Variants in KCNN2 observed in about 807,000 individuals in gnomAD.
KCNN2 encodes the protein small conductance calcium-activated potassium channel protein 2.
In KCNN2, 24 loss-of-function variants were observed where a neutral mutation model predicts 55.5. That is an observed-to-expected ratio of 0.43 (90% CI 0.31 to 0.61). The LOEUF is 0.61. Among genes scored for constraint, KCNN2 ranks in the 20% least tolerant of loss-of-function variants. KCNN2 has a pLI of 0.08. For missense variants in KCNN2, 754 were observed against 853.6 expected (o/e 0.88, Z 1.45); for synonymous variants, 431 against 336.1 (o/e 1.28, Z -3.09).
At chr5:114,285,283 C>CA (rs70976334) in intron 2 of KCNN2, among the ~76,000 whole-genome samples, 5,163 of 56,184 alleles carry the variant, frequency 0.092, 207 homozygotes, top group African/African-American at 0.15. Flanking sequence ...ACTCCATCTC[C>CA]AAAAAAAAAA....
chr5:114,481,167 CAG>C (rs1762206700), intron 5 of KCNN2, among the ~76,000 whole-genome samples: 1 of 152,176 alleles, frequency 6.6e-6, no homozygotes, highest in African/African-American at 2.4e-5. Context: ...GATACAAAAT[CAG>C]TGTGCAAAAA....
rs187070611 is a variant in KCNN2 at position 114,136,115 on chromosome 5, T to C, written c.-271+79615T>C. On this transcript the variant is annotated intron_variant, in intron 1 of 10. Coordinates refer to the KCNN2 transcript ENST00000512097. ...ATGAAAATAGACTCAAACCAAAGCA[T>C]AGCATCATGGAACAGAATACTAGAG... is the stretch of plus-strand genomic sequence containing the variant. 1.5e-3 allele frequency among the ~76,000 whole-genome samples: 223 copies of C among 152,264 alleles called. 1 individual carries two copies. Among genetic ancestry groups the C allele is most frequent in the African/African-American group, 5.1e-3 (213 of 41,558 alleles).
Position 114,350,255 on chromosome 5 carries a change from G to A in KCNN2, c.-184-10690G>A, listed in dbSNP as rs905607272. On this transcript the variant is annotated intron_variant, in intron 2 of 10. Transcript: ENST00000512097. ...CTTTAACATTTATTATTTGTTTGTG[G>A]TGATAACATTCAAAATCTTACCTTT... is the stretch of plus-strand genomic sequence containing the variant. Among the ~76,000 whole-genome samples, 9 of 151,882 alleles carry A rather than the reference G, an allele frequency of 5.9e-5. No individual in the cohort carries two copies. In the South Asian group the frequency reaches 1.2e-3, roughly 21 times the overall value.
At position 114,254,259 on chromosome 5, in the gene KCNN2, T is replaced by TA. The variant is rs896146890; in HGVS notation, c.-185+32701dup. ...ATACACTCAGCATTTCTATTTTTTT[T>TA]AAAAAAATAAGCAAATGTATTATAA... On this transcript the variant is annotated intron_variant, in intron 2 of 10. Coordinates refer to the KCNN2 transcript ENST00000512097. Among the ~76,000 whole-genome samples, 9 of 151,868 alleles carry TA rather than the reference T, an allele frequency of 5.9e-5. No homozygotes were observed. The East Asian group carries it at 1.2e-3, about 20-fold the overall frequency.
intron 2 of KCNN2, among the ~76,000 whole-genome samples, chr5:114,251,146 G>T (rs1483126913): frequency 6.6e-6 from 1 of 152,196 alleles, no homozygotes; most frequent in African/African-American, 2.4e-5. Context: ...TTGTAAAGGG[G>T]TGCAAGTGTT....
intron 1 of KCNN2, among the ~76,000 whole-genome samples, chr5:114,144,613 A>G (rs760979779): frequency 2.0e-5 from 3 of 152,136 alleles, no homozygotes; most frequent in Non-Finnish European, 4.4e-5. Context: ...TTAAAATGCT[A>G]TGATACTGAT....
At chr5:114,234,947 C>T (rs1283343164) in intron 2 of KCNN2, among the ~76,000 whole-genome samples, 3 of 152,118 alleles carry the variant, frequency 2.0e-5, no homozygotes, top group Admixed American at 1.3e-4. Context: ...TCCTTTAGTA[C>T]TCAGTAAATT....
At chr5:114,106,610 C>T (rs893395489) in intron 1 of KCNN2, among the ~76,000 whole-genome samples, 2 of 137,338 alleles carry the variant, frequency 1.5e-5, no homozygotes, top group Non-Finnish European at 3.1e-5. Flanking sequence ...TTGGATATTC[C>T]TGGTGACTAA....
chr5:114,148,874 C>A (rs947500699), intron 1 of KCNN2, among the ~76,000 whole-genome samples: 1 of 152,000 alleles, frequency 6.6e-6, no homozygotes, highest in African/African-American at 2.4e-5. Context: ...GGGAGCGGCT[C>A]ACCATCCGTG....
At position 114,084,534 on chromosome 5, in the gene KCNN2, T is replaced by G. The variant is rs904328138; in HGVS notation, c.-271+28034T>G. ...ATTGGGTTGCTTGTTTTCTTACCAT[T>G]GAGTTTTAAGAGTTCTTTGTATATT... is the stretch of plus-strand genomic sequence containing the variant. On this transcript the variant is annotated intron_variant, in intron 1 of 10. Coordinates refer to the KCNN2 transcript ENST00000512097. 2.6e-5 allele frequency among the ~76,000 whole-genome samples: 4 copies of G among 152,198 alleles called. No individual in the cohort carries two copies. The East Asian group carries it at 7.7e-4, about 29-fold the overall frequency.
At position 114,160,722 on chromosome 5, in the gene KCNN2, T is replaced by C. The variant is rs13187950; in HGVS notation, c.-270-60758T>C. ...GTGCATATATATTTAGGATAGTTAGTTCTTCTTGCTGAATTGATCCCTTTA... is the reference window on the plus strand; with the variant it reads ...GTGCATATATATTTAGGATAGTTAGCTCTTCTTGCTGAATTGATCCCTTTA... On this transcript the variant is annotated intron_variant, in intron 1 of 10. Transcript: ENST00000512097. Among the ~76,000 whole-genome samples, 255 of 152,106 alleles carry C rather than the reference T, an allele frequency of 1.7e-3. 1 individual carries two copies. Among genetic ancestry groups the C allele is most frequent in the Non-Finnish European group, 2.5e-3 (168 of 67,868 alleles).
At chr5:114,332,668 A>G (rs976492767) in intron 2 of KCNN2, among the ~76,000 whole-genome samples, 1 of 152,224 alleles carries the variant, frequency 6.6e-6, no homozygotes, top group Non-Finnish European at 1.5e-5. Flanking sequence ...CATGAGCACA[A>G]GTTGTTTATT....
At chr5:114,346,445 T>C (rs1395142243) in intron 2 of KCNN2, among the ~76,000 whole-genome samples, 1 of 152,210 alleles carries the variant, frequency 6.6e-6, no homozygotes, top group South Asian at 2.1e-4. Context: ...CTAGCTATTC[T>C]GTAACTAAGA....
intron 2 of KCNN2, among the ~76,000 whole-genome samples, chr5:114,287,061 G>A (rs747396284): frequency 6.6e-5 from 10 of 152,114 alleles, no homozygotes; most frequent in Non-Finnish European, 1.0e-4. Flanking sequence ...GCTCAGAATC[G>A]TCAGCCAGTC....
intron 1 of KCNN2, among the ~76,000 whole-genome samples, chr5:114,117,894 A>T (rs549232492): frequency 1.3e-5 from 2 of 152,312 alleles, no homozygotes; most frequent in South Asian, 2.1e-4. Context: ...CCCTATAGGT[A>T]AGTGCCCTTA....
At chr5:114,431,139 C>G (rs915446725) in intron 3 of KCNN2, among the ~76,000 whole-genome samples, 1 of 152,138 alleles carries the variant, frequency 6.6e-6, no homozygotes, top group South Asian at 2.1e-4. Flanking sequence ...CGGCTTCTGT[C>G]TCTAGAAGAC....
chr5:114,196,837 T>C (rs1458406582), intron 1 of KCNN2, among the ~76,000 whole-genome samples: 1 of 151,016 alleles, frequency 6.6e-6, no homozygotes, highest in African/African-American at 2.5e-5. Flanking sequence ...TTTGCTATTT[T>C]ATTTATTTCT....
At chr5:114,087,719 A>C (rs1049784629) in intron 1 of KCNN2, among the ~76,000 whole-genome samples, 1 of 151,954 alleles carries the variant, frequency 6.6e-6, no homozygotes, top group African/African-American at 2.4e-5. Flanking sequence ...CATTTGGATT[A>C]ATTGAGTAAA....
chr5:114,057,553 G>A (rs1379440934), intron 1 of KCNN2, among the ~76,000 whole-genome samples: 1 of 152,188 alleles, frequency 6.6e-6, no homozygotes, highest in Admixed American at 6.5e-5. Flanking sequence ...TGCAACAGTG[G>A]ACAAGGCAAC....
Sources: allele counts gnomAD v4.1 joint callset (sites outside exome capture counted in the v4.1 genomes callset), GRCh38; gene constraint gnomAD v4.1.1; transcripts MANE v1.5; gene names NCBI Gene and HGNC (gene_info 2026-07-23, HGNC 2026-07-21).